The following GALNTL6 variants were observed in gnomAD, a reference collection of about 807,000 sequenced individuals.
GALNTL6 encodes polypeptide N-acetylgalactosaminyltransferase-like 6.
A neutral mutation model predicts 73.7 loss-of-function variants in GALNTL6; 46 were observed. The observed-to-expected ratio is 0.62, with a 90% CI of 0.49 to 0.80. The LOEUF is 0.80. Ranked by LOEUF, GALNTL6 falls within the 30% of genes least tolerant of loss-of-function variation. The pLI is 0.00. For synonymous variants in GALNTL6, 259 were observed against 263.7 expected (o/e 0.98, Z 0.17); for missense variants, 604 against 755.0 (o/e 0.80, Z 2.34).
intron 10 of GALNTL6, among the ~76,000 whole-genome samples, chr4:172,985,478 G>T (rs758453095): frequency 6.6e-6 from 1 of 151,922 alleles, no homozygotes; most frequent in Non-Finnish European, 1.5e-5. Context: ...GGTTCATCTT[G>T]CCTATTGCCT....
At chr4:172,975,846 G>A (rs897513083) in intron 10 of GALNTL6, among the ~76,000 whole-genome samples, 1 of 152,172 alleles carries the variant, frequency 6.6e-6, no homozygotes, top group African/African-American at 2.4e-5. Flanking sequence ...AATCTGAGTG[G>A]GCAACAGGAT....
chr4:172,348,487 T>C (rs333399), intron 4 of GALNTL6, 36 bp from the exon 5 acceptor site: 488,114 of 1,559,052 alleles, frequency 0.31, 82,854 homozygotes, highest in African/African-American at 0.62. Flanking sequence ...AAGAGTTTTG[T>C]ATTTGACACA....
chr4:172,425,222 G>A (rs1433531796), intron 5 of GALNTL6: 1 of 151,974 alleles, frequency 6.6e-6, no homozygotes, highest in African/African-American at 2.4e-5. Flanking sequence ...ACAGAGATAC[G>A]CTATGGCACA....
At chr4:172,535,240 G>A (rs1056265647) in intron 5 of GALNTL6, among the ~76,000 whole-genome samples, 4 of 152,154 alleles carry the variant, frequency 2.6e-5, no homozygotes, top group African/African-American at 9.7e-5. Flanking sequence ...ATAAGCTTAT[G>A]TCTTCATAAA....
At chr4:173,009,396 A>T (rs1259447435) in intron 11 of GALNTL6, 102 bp downstream of exon 11, 1 of 744,140 alleles carries the variant, frequency 1.3e-6, no homozygotes, top group Non-Finnish European at 2.4e-6. Flanking sequence ...TGCAGATGGT[A>T]CTTGTGGGAC....
intron 2 of GALNTL6, among the ~76,000 whole-genome samples, chr4:172,138,616 A>G (rs1195482525): frequency 1.6e-5 from 2 of 123,888 alleles, no homozygotes; most frequent in African/African-American, 6.3e-5. Flanking sequence ...TGCCAGCTCC[A>G]CCTCCCGGGT....
intron 10 of GALNTL6, among the ~76,000 whole-genome samples, chr4:172,958,440 A>G (rs1749865894): frequency 6.6e-6 from 1 of 152,142 alleles, no homozygotes; most frequent in Non-Finnish European, 1.5e-5. Flanking sequence ...CAAGGAACAG[A>G]AAGAGGAGTG....
intron 3 of GALNTL6, among the ~76,000 whole-genome samples, chr4:172,277,779 G>A (rs1456003232): frequency 6.6e-6 from 1 of 152,152 alleles, no homozygotes; most frequent in African/African-American, 2.4e-5. Flanking sequence ...ACCCTTGAAT[G>A]TAGTGGTTTT....
chr4:172,017,046 G>T (rs1225405988), intron 2 of GALNTL6, among the ~76,000 whole-genome samples: 1 of 152,122 alleles, frequency 6.6e-6, no homozygotes, highest in Non-Finnish European at 1.5e-5. Flanking sequence ...CTGAGTTAAT[G>T]ATTTAGGCTT....
chr4:172,894,862 A>G (rs1746234527), intron 8 of GALNTL6, among the ~76,000 whole-genome samples: 1 of 150,924 alleles, frequency 6.6e-6, no homozygotes, highest in Non-Finnish European at 1.5e-5. Context: ...GTGTTTTGGT[A>G]TTGGTATTGG....
chr4:172,606,919 A>G (rs75530632), intron 5 of GALNTL6, among the ~76,000 whole-genome samples: 2,883 of 151,596 alleles, frequency 0.019, 28 homozygotes, highest in Middle Eastern at 0.031. Flanking sequence ...AGGAAATGTC[A>G]GTGGAGGGGC....
chr4:172,556,457 A>C (rs1053344528), intron 5 of GALNTL6, among the ~76,000 whole-genome samples: 1 of 151,692 alleles, frequency 6.6e-6, no homozygotes, highest in Non-Finnish European at 1.5e-5. Flanking sequence ...ATAAACAAAC[A>C]AGACATCCAG....
At chr4:172,620,088 C>A (rs1242528733) in intron 5 of GALNTL6, among the ~76,000 whole-genome samples, 1 of 152,050 alleles carries the variant, frequency 6.6e-6, no homozygotes, top group African/African-American at 2.4e-5. Flanking sequence ...TGTTTTTAGT[C>A]TGCATTTACT....
At chr4:172,351,363 A>G (rs575523752) in intron 5 of GALNTL6, among the ~76,000 whole-genome samples, 1 of 152,290 alleles carries the variant, frequency 6.6e-6, no homozygotes, top group Admixed American at 6.5e-5. Flanking sequence ...CAATATGGCC[A>G]ATAAGCTACT....
At chr4:172,380,550 A>G (rs940214374) in intron 5 of GALNTL6, 4 of 315,610 alleles carry the variant, frequency 1.3e-5, no homozygotes, top group East Asian at 6.9e-5. Context: ...CTTGTTTTCA[A>G]TGTACAAAGA....
intron 2 of GALNTL6, among the ~76,000 whole-genome samples, chr4:171,873,702 G>T (rs529064148): frequency 1.3e-5 from 2 of 152,108 alleles, no homozygotes; most frequent in South Asian, 4.2e-4. Flanking sequence ...CTATAAAAAA[G>T]TTATATATGG....
chr4:172,160,163 A>T (rs2110788401), intron 2 of GALNTL6, among the ~76,000 whole-genome samples: 1 of 151,842 alleles, frequency 6.6e-6, no homozygotes, highest in Non-Finnish European at 1.5e-5. Context: ...TATAAATATA[A>T]GTGTGTGTGC....
At chr4:171,844,580 G>C (rs946021128) in intron 2 of GALNTL6, among the ~76,000 whole-genome samples, 2 of 152,142 alleles carry the variant, frequency 1.3e-5, no homozygotes, top group Non-Finnish European at 2.9e-5. Flanking sequence ...AATATTATCA[G>C]ACAGTTCGTT....
chr4:173,016,426 G>T (rs1752785322), intron 11 of GALNTL6, among the ~76,000 whole-genome samples: 1 of 152,226 alleles, frequency 6.6e-6, no homozygotes, highest in African/African-American at 2.4e-5. Flanking sequence ...AGCCACAGGG[G>T]CAGAGCTGTC....
Sources: gnomAD v4.1 joint callset for allele counts (sites outside exome capture counted in the v4.1 genomes callset) on GRCh38, gnomAD v4.1.1 for gene constraint, MANE v1.5 for transcripts, NCBI Gene and HGNC (gene_info 2026-07-23, HGNC 2026-07-21) for gene names.